BIRC6: variants seen among roughly 807,000 people sequenced by gnomAD.
The protein encoded by BIRC6 is dual E2 ubiquitin-conjugating enzyme/E3 ubiquitin-protein ligase BIRC6.
A neutral mutation model predicts 503.3 loss-of-function variants in BIRC6; 98 were observed. The ratio of observed to expected loss-of-function variants is 0.19; its 90% CI spans 0.17 to 0.23. The LOEUF is 0.23. Among genes scored for constraint, BIRC6 ranks in the 10% least tolerant of loss-of-function variants. BIRC6 has a pLI of 1.00. For missense variants in BIRC6, 5,360 were observed against 5,806.0 expected (o/e 0.92, Z 2.50); for synonymous variants, 2,240 against 2,078.7 (o/e 1.08, Z -2.11).
intron 70 of BIRC6, among the ~76,000 whole-genome samples, chr2:32,600,988 C>T (rs553864954): frequency 2.2e-3 from 328 of 152,210 alleles, no homozygotes; most frequent in African/African-American, 7.7e-3. Context: ...AACAATATAG[C>T]TAATGAACTT....
At chr2:32,393,477 T>G (rs371856460) in intron 5 of BIRC6, among the ~76,000 whole-genome samples, 1 of 152,242 alleles carries the variant, frequency 6.6e-6, no homozygotes, top group African/African-American at 2.4e-5. Flanking sequence ...CTAATACTTA[T>G]ATGTCAGTTT....
intron 40 of BIRC6, among the ~76,000 whole-genome samples, chr2:32,487,253 A>G (rs1188408262): frequency 3.3e-5 from 5 of 152,198 alleles, no homozygotes; most frequent in Non-Finnish European, 4.4e-5. Flanking sequence ...ATTCTAATCT[A>G]TAGTCAAGGT....
At chr2:32,562,522 C>G (rs556590203) in intron 65 of BIRC6, among the ~76,000 whole-genome samples, 4 of 152,276 alleles carry the variant, frequency 2.6e-5, no homozygotes, top group East Asian at 3.9e-4. Context: ...TTGACAAATG[C>G]GCAATTTTAT....
intron 61 of BIRC6, chr2:32,532,133 T>TTGTGTGTGTGTGTGTG: frequency 1.2e-5 from 1 of 80,722 alleles, no homozygotes; most frequent in Non-Finnish European, 2.4e-5. Context: ...TGATTTCATG[T>TTGTGTGTGTGTGTGTG]CGTGTGTGTG....
intron 42 of BIRC6, 116 bp downstream of exon 42, chr2:32,488,830 A>C: frequency 1.4e-6 from 1 of 707,680 alleles, no homozygotes; most frequent in Non-Finnish European, 2.1e-6. Context: ...TAGTGGGGAA[A>C]AAACAGAATA....
intron 9 of BIRC6, among the ~76,000 whole-genome samples, chr2:32,406,867 G>T (rs2041280242): frequency 2.6e-5 from 4 of 152,118 alleles, no homozygotes; most frequent in Admixed American, 2.6e-4. Context: ...TTAACTAAAA[G>T]TAGTGTTTAA....
chr2:32,596,289 G>T (rs1464695993), intron 68 of BIRC6, among the ~76,000 whole-genome samples: 3 of 151,846 alleles, frequency 2.0e-5, no homozygotes, highest in Non-Finnish European at 4.4e-5. Flanking sequence ...AGACCAGCAT[G>T]GCCAACATGG....
intron 23 of BIRC6, among the ~76,000 whole-genome samples, chr2:32,460,466 G>A (rs1419391623): frequency 4.0e-5 from 6 of 150,340 alleles, no homozygotes; most frequent in Non-Finnish European, 5.9e-5. Flanking sequence ...TAGTAGAGAC[G>A]GGGTTTTGCC....
At chr2:32,423,336 G>C (rs1022843826) in intron 10 of BIRC6, among the ~76,000 whole-genome samples, 1 of 151,854 alleles carries the variant, frequency 6.6e-6, no homozygotes, top group Non-Finnish European at 1.5e-5. Context: ...TATTTTAACT[G>C]TTTTACAGCA....
intron 66 of BIRC6, among the ~76,000 whole-genome samples, chr2:32,581,523 A>T (rs1358171572): frequency 6.6e-6 from 1 of 152,142 alleles, no homozygotes; most frequent in Non-Finnish European, 1.5e-5. Context: ...AGATCAACTT[A>T]AAAAATTAAA....
chr2:32,552,150 A>G (rs1175400186), intron 65 of BIRC6, among the ~76,000 whole-genome samples: 1 of 152,162 alleles, frequency 6.6e-6, no homozygotes, highest in Non-Finnish European at 1.5e-5. Context: ...ATTAATTTTA[A>G]ATGTCAATTG....
chr2:32,460,998 C>CTCCTCTTCTCT (rs1250172530), intron 23 of BIRC6, among the ~76,000 whole-genome samples: 29 of 88,688 alleles, frequency 3.3e-4, no homozygotes, highest in African/African-American at 1.2e-3. Flanking sequence ...CTCTGCTCTG[C>CTCCTCTTCTCT]TCTCTTCTCT....
chr2:32,456,308 G>T (rs2047258064), intron 23 of BIRC6, among the ~76,000 whole-genome samples: 1 of 152,248 alleles, frequency 6.6e-6, no homozygotes, highest in South Asian at 2.1e-4. Flanking sequence ...TCAATCCTAT[G>T]ATTATGGCAT....
intron 63 of BIRC6, among the ~76,000 whole-genome samples, chr2:32,547,640 C>T (rs888636665): frequency 2.6e-5 from 4 of 152,062 alleles, no homozygotes; most frequent in Non-Finnish European, 4.4e-5. Context: ...CTGCTGTAAA[C>T]GTGTGTGTCT....
At chr2:32,529,332 C>G (rs1169225131) in intron 59 of BIRC6, 1 of 216,428 alleles carries the variant, frequency 4.6e-6, no homozygotes, top group East Asian at 1.3e-4. Context: ...ACTATATGGC[C>G]CCCCCAGGTT....
chr2:32,371,799 T>G (rs1344038946), intron 1 of BIRC6, among the ~76,000 whole-genome samples: 1 of 152,056 alleles, frequency 6.6e-6, no homozygotes, highest in East Asian at 1.9e-4. Flanking sequence ...TACATGTTTA[T>G]TCTTTTTTTG....
chr2:32,587,788 G>A (rs1347614370), intron 66 of BIRC6, among the ~76,000 whole-genome samples: 7 of 152,122 alleles, frequency 4.6e-5, no homozygotes, highest in African/African-American at 1.7e-4. Flanking sequence ...AGAATAATGT[G>A]CATTTTACAG....
intron 32 of BIRC6, 134 bp downstream of exon 32, chr2:32,471,258 A>T (rs1356646795): frequency 8.7e-7 from 1 of 1,153,204 alleles, no homozygotes; most frequent in Non-Finnish European, 1.2e-6. Context: ...AATTTAAGGA[A>T]AATACAAATG....
At chr2:32,485,369 C>CCTGG (rs939619334) in intron 39 of BIRC6, among the ~76,000 whole-genome samples, 6 of 152,140 alleles carry the variant, frequency 3.9e-5, no homozygotes, top group Non-Finnish European at 8.8e-5. Flanking sequence ...CAGTGAGAAA[C>CCTGG]CTGGTTCTCA....
Sources: gnomAD v4.1 joint callset for allele counts (sites outside exome capture counted in the v4.1 genomes callset) on GRCh38, gnomAD v4.1.1 for gene constraint, MANE v1.5 for transcripts, NCBI Gene and HGNC (gene_info 2026-07-23, HGNC 2026-07-21) for gene names.